Variants in FAM78A observed in about 807,000 individuals in gnomAD.
FAM78A encodes family with sequence similarity 78 member A, also known as protein FAM78A.
Under a neutral mutation model 22.6 loss-of-function variants are expected in FAM78A, and 12 were observed. That is an observed-to-expected ratio of 0.53 (90% CI 0.34 to 0.86). The LOEUF is 0.86. Ranked by LOEUF, FAM78A falls within the 40% of genes least tolerant of loss-of-function variation. The pLI is 0.02. For synonymous variants in FAM78A, 151 were observed against 155.8 expected (o/e 0.97, Z 0.23); for missense variants, 322 against 396.1 (o/e 0.81, Z 1.59).
rs1311041330 is a variant in FAM78A at position 131,270,999 on chromosome 9, G to GCCTTTTTTTTT, written c.323+4857_323+4858insAAAAAAAAAGG. ...ACCCCTGCCCTGTCCTTTCCCACCA[G>GCCTTTTTTTTT]TCTTTTTTTTTTTTTTTTTTTTTTG... On this transcript the variant is annotated intron_variant, in intron 1 of 1. Transcript: ENST00000372271. Among the ~76,000 whole-genome samples, 3 of 131,964 alleles carry GCCTTTTTTTTT rather than the reference G, an allele frequency of 2.3e-5. 1 individual carries two copies. The highest frequency in any genetic ancestry group is 3.2e-5 in the Non-Finnish European group (2 of 62,988). 86.6% of individuals were successfully genotyped at this position (131,964 alleles called of 152,430 possible).
At chr9:131,280,819 C>T (rs925365635), upstream of FAM78A, among the ~76,000 whole-genome samples, 2 of 152,234 alleles carry the variant, frequency 1.3e-5, no homozygotes, top group African/African-American at 2.4e-5. Context: ...GGGCTTTGCA[C>T]ACAGCATCTT....
At chr9:131,271,001 C>CTTTTT (rs60077536) in intron 1 of FAM78A, among the ~76,000 whole-genome samples, 3 of 70,370 alleles carry the variant, frequency 4.3e-5, no homozygotes, top group East Asian at 6.7e-4. Flanking sequence ...TCCCACCAGT[C>CTTTTT]TTTTTTTTTT....
intron 1 of FAM78A, among the ~76,000 whole-genome samples, chr9:131,267,921 A>G (rs778687054): frequency 5.9e-5 from 9 of 152,078 alleles, no homozygotes; most frequent in African/African-American, 1.2e-4. Context: ...GCGTGGTGGC[A>G]GGCACCTGTA....
In FAM78A at chr9:131,259,441, C is replaced by G. The variant is rs1470946244; in HGVS notation, c.*1381G>C. On this transcript the variant is annotated 3_prime_UTR_variant, in exon 2 of 2. Coordinates refer to ENST00000372271, the MANE Select transcript of FAM78A (RefSeq NM_033387.4). Reference sequence around the variant, plus strand: ...TGAACCCTCTCGACGATAAGCCCACCCAGCCCTCCCAGCCCTTGGCCTGGA... The same window carrying G: ...TGAACCCTCTCGACGATAAGCCCACGCAGCCCTCCCAGCCCTTGGCCTGGA... 1.3e-5 allele frequency: 2 copies of G among 152,346 alleles called. No homozygotes were observed. The highest frequency in any genetic ancestry group is 2.9e-5 in the Non-Finnish European group (2 of 68,138). 9.4% of individuals were successfully genotyped at this position (152,346 alleles called of 1,614,324 possible).
At position 131,261,765 on chromosome 9, in the gene FAM78A, G is replaced by A. The variant is rs1303951835; in HGVS notation, c.324-415C>T. ...TGAAGTGGTGGGCTGGGGGTGGAGA[G>A]TGAGGCTACATTTTCCTAAGGACAT... On this transcript the variant is annotated intron_variant, in intron 1 of 1. Coordinates refer to ENST00000372271, the MANE Select transcript of FAM78A (RefSeq NM_033387.4). The surrounding 1 kb of genome is among the most constrained non-coding windows in gnomAD (Gnocchi z 7.1). Among the ~76,000 whole-genome samples the A allele has an allele frequency of 6.6e-6, 1 of 152,156 alleles. No individual in the cohort carries two copies. Among genetic ancestry groups the A allele is most frequent in the African/African-American group, 2.4e-5 (1 of 41,436 alleles).
At position 131,261,875 on chromosome 9, in the gene FAM78A, T is replaced by C. The variant is rs567289304; in HGVS notation, c.324-525A>G. On this transcript the variant is annotated intron_variant, in intron 1 of 1. Coordinates refer to ENST00000372271, the MANE Select transcript of FAM78A (RefSeq NM_033387.4). The surrounding 1 kb of genome is among the most constrained non-coding windows in gnomAD (Gnocchi z 7.1). ...GAAGCTCAGGACACCCTGCGCCCAC[T>C]GCGCCTTCTGCTCACCTACGTGCAC... 7.6e-4 allele frequency among the ~76,000 whole-genome samples: 116 copies of C among 152,282 alleles called. No homozygotes were observed. Among genetic ancestry groups the C allele is most frequent in the African/African-American group, 2.6e-3 (107 of 41,560 alleles).
At chr9:131,271,430 C>T (rs1588200118) in intron 1 of FAM78A, among the ~76,000 whole-genome samples, 1 of 152,148 alleles carries the variant, frequency 6.6e-6, no homozygotes, top group Admixed American at 6.5e-5. Flanking sequence ...GCCTGGTATT[C>T]GTGAGGTGCT....
At position 131,275,538 on chromosome 9, in the gene FAM78A, G is replaced by A. The variant is rs950024554; in HGVS notation, c.323+319C>T. 6.6e-6 allele frequency among the ~76,000 whole-genome samples: 1 copy of A among 152,194 alleles called. No individual in the cohort carries two copies. Among genetic ancestry groups the A allele is most frequent in the Non-Finnish European group, 1.5e-5 (1 of 68,040 alleles). ...TGGCACAGACACTCCTCAGGCGGAC[G>A]GCACACTTGCTCTGCCAGGAAACAC... On this transcript the variant is annotated intron_variant, in intron 1 of 1. Coordinates refer to ENST00000372271, the MANE Select transcript of FAM78A (RefSeq NM_033387.4). This position sits in a 1 kb window ranked among gnomAD's most constrained non-coding sequence, Gnocchi z 4.6.
Position 131,261,160 on chromosome 9 carries a change from C to T in FAM78A, c.514G>A (p.Val172Ile), listed in dbSNP as rs548824827. The T allele has an allele frequency of 1.0e-4, 167 of 1,614,040 alleles. No individual in the cohort carries two copies. Among genetic ancestry groups the T allele is most frequent in the South Asian group, 6.0e-4 (55 of 91,082 alleles). The change falls in exon 2 of 2, where the codon GTC becomes ATC. Residue 172 changes from valine to isoleucine, a missense_variant. By Grantham distance (29) the Val-to-Ile change is conservative. Transcript: ENST00000372271. This position sits in a 1 kb window ranked among gnomAD's most constrained non-coding sequence, Gnocchi z 7.1. ...FYPSVTWAVP[V>I]SESNVAKLTN... ...AGCTTGGCCACGTTGCTCTCGCTGA[C>T]GGGCACGGCCCATGTGACGCTGGGG...
upstream of FAM78A, among the ~76,000 whole-genome samples, chr9:131,277,008 G>A (rs1298392779): frequency 6.7e-6 from 1 of 149,696 alleles, no homozygotes; most frequent in Non-Finnish European, 1.5e-5. This position sits in a 1 kb window ranked among gnomAD's most constrained non-coding sequence, Gnocchi z 8.4. Flanking sequence ...ACTTTGCTGC[G>A]GGGGGCGCGC....
In FAM78A at chr9:131,265,936, A is replaced by T. The variant is rs1588197934; in HGVS notation, c.324-4586T>A. On this transcript the variant is annotated intron_variant, in intron 1 of 1. Transcript: ENST00000372271. The surrounding 1 kb of genome is among the most constrained non-coding windows in gnomAD (Gnocchi z 4.3). ...CTTCCCGGGCTGAAGTGGCTTCCTCAGCCTCCCGCAGCGTCCCTGTCCTGA... is the reference window on the plus strand; with the variant it reads ...CTTCCCGGGCTGAAGTGGCTTCCTCTGCCTCCCGCAGCGTCCCTGTCCTGA... 6.6e-6 allele frequency among the ~76,000 whole-genome samples: 1 copy of T among 152,112 alleles called. No individual in the cohort carries two copies.
At chr9:131,277,313 C>T (rs1344925116), upstream of FAM78A, among the ~76,000 whole-genome samples, 1 of 151,936 alleles carries the variant, frequency 6.6e-6, no homozygotes, top group South Asian at 2.1e-4. The surrounding 1 kb of genome is among the most constrained non-coding windows in gnomAD (Gnocchi z 8.4). Context: ...CCGGTCCCTC[C>T]GGCTCCCTGG....
At chr9:131,268,836 T>G (rs550561812) in intron 1 of FAM78A, among the ~76,000 whole-genome samples, 4 of 149,978 alleles carry the variant, frequency 2.7e-5, no homozygotes, top group Non-Finnish European at 5.9e-5. Flanking sequence ...GAGCTTGCAG[T>G]GAGCCGAGAT....
At chr9:131,267,628 G>C (rs1004083714) in intron 1 of FAM78A, among the ~76,000 whole-genome samples, 1 of 152,156 alleles carries the variant, frequency 6.6e-6, no homozygotes, top group Non-Finnish European at 1.5e-5. Flanking sequence ...GTTCTAATAG[G>C]CAATAAATAT....
chr9:131,278,137 G>T (rs1835508701), upstream of FAM78A, among the ~76,000 whole-genome samples: 1 of 150,922 alleles, frequency 6.6e-6, no homozygotes, highest in African/African-American at 2.4e-5. Flanking sequence ...CCCTCCCCCT[G>T]GTAATCCCTC....
At chr9:131,264,531 C>A in intron 1 of FAM78A, 1 of 712,650 alleles carries the variant, frequency 1.4e-6, no homozygotes, top group Middle Eastern at 2.7e-4. Context: ...ACAGACAATC[C>A]GCCAACATCT....
At position 131,261,782 on chromosome 9, in the gene FAM78A, T is replaced by A. The variant is rs1004853836; in HGVS notation, c.324-432A>T. The stretch of plus-strand genomic sequence containing the variant: ...GGTGGAGAGTGAGGCTACATTTTCC[T>A]AAGGACATTTGGCCAAGCGGTGGGG... On this transcript the variant is annotated intron_variant, in intron 1 of 1. Transcript: ENST00000372271. The surrounding 1 kb of genome is among the most constrained non-coding windows in gnomAD (Gnocchi z 7.1). Among the ~76,000 whole-genome samples, 12 of 152,270 alleles carry A rather than the reference T, an allele frequency of 7.9e-5. No individual in the cohort carries two copies. Among genetic ancestry groups the A allele is most frequent in the Admixed American group, 6.5e-4 (10 of 15,290 alleles).
chr9:131,271,359 A>AT (rs1320248890), intron 1 of FAM78A, among the ~76,000 whole-genome samples: 3 of 152,200 alleles, frequency 2.0e-5, no homozygotes, highest in Non-Finnish European at 2.9e-5. Context: ...CGCATAATGC[A>AT]TAAGACATTA....
chr9:131,271,644 G>A lies in FAM78A; in HGVS notation c.323+4213C>T, dbSNP rs1016284302. ...ATCTGAGCTGCTCCCCCTCCTCCCC[G>A]CCCAGTCTGCCCTTTGGCAGAATCC... is the stretch of plus-strand genomic sequence containing the variant. On this transcript the variant is annotated intron_variant, in intron 1 of 1. Transcript: ENST00000372271. 4.6e-5 allele frequency among the ~76,000 whole-genome samples: 7 copies of A among 152,204 alleles called. No individual in the cohort carries two copies. The East Asian group carries it at 5.8e-4, about 13-fold the overall frequency.
Sources: allele counts gnomAD v4.1 joint callset (sites outside exome capture counted in the v4.1 genomes callset), GRCh38; gene constraint gnomAD v4.1.1; non-coding constraint Gnocchi (gnomAD v3.1); transcripts MANE v1.5; gene names NCBI Gene and HGNC (gene_info 2026-07-23, HGNC 2026-07-21).